Variants in RNF141 observed in about 807,000 individuals in gnomAD.
RNF141 encodes the protein ring finger protein 141.
A neutral mutation model predicts 27.4 loss-of-function variants in RNF141; 18 were observed. That is an observed-to-expected ratio of 0.66 (90% CI 0.45 to 0.97). The LOEUF (loss-of-function observed/expected upper bound fraction) is 0.97, where lower values mean the gene tolerates loss of function less well. Ranked by LOEUF, RNF141 falls within the 50% of genes least tolerant of loss-of-function variation. The probability of loss-of-function intolerance (pLI) is 0.00; values close to 1 mark genes in which losing one functional copy is unlikely to be tolerated. For missense variants in RNF141, 230 were observed against 279.4 expected (o/e 0.82, Z 1.26); for synonymous variants, 97 against 96.6 (o/e 1.00, Z -0.02).
intron 3 of RNF141, among the ~76,000 whole-genome samples, chr11:10,526,141 T>G (rs573891143): frequency 1.3e-4 from 20 of 152,140 alleles, no homozygotes; most frequent in Non-Finnish European, 2.6e-4. Flanking sequence ...AGAGAAAGAT[T>G]AGAGACATGA....
In RNF141 at chr11:10,512,275, T is replaced by C. The variant is rs1274704375; in HGVS notation, c.*2641A>G. 1 of 152,676 alleles carries C rather than the reference T, an allele frequency of 6.5e-6. No homozygotes were observed. Among genetic ancestry groups the C allele is most frequent in the African/African-American group, 2.4e-5 (1 of 41,466 alleles). The allele number at this position is 152,676 out of a possible 1,614,324, so 9.5% of individuals were successfully genotyped here. A position where few individuals can be genotyped will look rare whatever the true frequency, so the allele number is the denominator to read the frequency against. On this transcript the variant is annotated 3_prime_UTR_variant, in exon 6 of 6. Coordinates refer to ENST00000265981, the MANE Select transcript of RNF141 (RefSeq NM_016422.4). ...ACAAATTTACAACTTTTACGATTAG[T>C]TATTACAGTAGAACTGACCTAACAT...
intron 3 of RNF141, among the ~76,000 whole-genome samples, chr11:10,527,571 T>G (rs1164776483): frequency 6.6e-6 from 1 of 151,404 alleles, no homozygotes; most frequent in African/African-American, 2.4e-5. Flanking sequence ...GACGGTGAGG[T>G]GGGAATAGAA....
chr11:10,523,688 G>C (rs1438719052), intron 4 of RNF141, among the ~76,000 whole-genome samples: 3 of 152,140 alleles, frequency 2.0e-5, no homozygotes, highest in Non-Finnish European at 4.4e-5. Context: ...TTCCAGTTTT[G>C]AGGGCACATG....
Position 10,514,394 on chromosome 11 carries a change from A to G in RNF141, c.*522T>C, listed in dbSNP as rs1476706288. 4 of 152,602 alleles carry G rather than the reference A, an allele frequency of 2.6e-5. No individual in the cohort carries two copies. Among genetic ancestry groups the G allele is most frequent in the Non-Finnish European group, 4.4e-5 (3 of 68,072 alleles). The allele number at this position is 152,602 out of a possible 1,614,324, so 9.5% of individuals were successfully genotyped here. A position where few individuals can be genotyped will look rare whatever the true frequency, so the allele number is the denominator to read the frequency against. On this transcript the variant is annotated 3_prime_UTR_variant, in exon 6 of 6. Transcript: ENST00000265981. The stretch of plus-strand genomic sequence containing the variant: ...TCAAGTAAAAATTATTAAAGGAGCA[A>G]TAATTAACCACAAGGGGGCATATAT...
chr11:10,524,264 A>G (rs1172089581), intron 4 of RNF141, among the ~76,000 whole-genome samples: 2 of 152,026 alleles, frequency 1.3e-5, no homozygotes, highest in African/African-American at 4.8e-5. Context: ...AAATACAAAA[A>G]ATTAGCCGGG....
At chr11:10,522,024 AGGAAAACTG>A (rs1849891838) in intron 4 of RNF141, among the ~76,000 whole-genome samples, 1 of 152,246 alleles carries the variant, frequency 6.6e-6, no homozygotes, top group South Asian at 2.1e-4. Flanking sequence ...GTCTAGAAAG[AGGAAAACTG>A]GTTAGGATCT....
At chr11:10,530,790 C>A (rs929842751) in intron 2 of RNF141, 39 bp from the exon 3 acceptor site, 1 of 1,248,036 alleles carries the variant, frequency 8.0e-7, no homozygotes. Flanking sequence ...TATGAAAAAT[C>A]ATATATTAAT....
chr11:10,534,027 CT>C lies in RNF141; in HGVS notation c.131del (p.Glu44GlyfsTer5). On this transcript the variant is annotated frameshift_variant, in exon 2 of 6. Transcript: ENST00000265981. LOFTEE classifies it high-confidence loss of function. Reference protein sequence around the residue: ...TYEEFLGRVAELNDVTAKVAS... With the variant: ...TYEEFLGRVAXLNDVTAKVAS... ...AGAGCAAGCCTTACACATCATTAAG[CT>C]CAGCTACTCTCCCAAGAAATTCTTC... The C allele has an allele frequency of 6.2e-7, 1 of 1,613,164 alleles. No individual in the cohort carries two copies. The highest frequency in any genetic ancestry group is 8.5e-7 in the Non-Finnish European group (1 of 1,179,496).
chr11:10,533,248 G>A (rs1850004194), intron 2 of RNF141, among the ~76,000 whole-genome samples: 1 of 152,046 alleles, frequency 6.6e-6, no homozygotes, highest in Non-Finnish European at 1.5e-5. Context: ...AGTGGTCTGG[G>A]GGCATTCAGG....
chr11:10,518,851 T>C (rs1849863231), intron 5 of RNF141, 183 bp downstream of exon 5: 2 of 469,636 alleles, frequency 4.3e-6, no homozygotes, highest in Non-Finnish European at 7.5e-6. Flanking sequence ...CCATATTTAA[T>C]AAATGTTAGG....
intron 3 of RNF141, among the ~76,000 whole-genome samples, chr11:10,528,426 C>T (rs1849959035): frequency 6.6e-6 from 1 of 152,142 alleles, no homozygotes; most frequent in South Asian, 2.1e-4. Flanking sequence ...TTTTGTTTCT[C>T]TACTTAGAAT....
intron 3 of RNF141, 43 bp downstream of exon 3, chr11:10,530,599 CA>C: frequency 8.8e-7 from 1 of 1,134,626 alleles, no homozygotes; most frequent in Admixed American, 2.1e-5. Flanking sequence ...TTCTAGCCAC[CA>C]AAATAGCTTA....
intron 4 of RNF141, among the ~76,000 whole-genome samples, chr11:10,524,074 G>A (rs1849910803): frequency 6.6e-6 from 1 of 152,074 alleles, no homozygotes; most frequent in South Asian, 2.1e-4. Flanking sequence ...AAACCAGTTG[G>A]TTAAGAATGA....
chr11:10,534,644 G>A (rs1229745734), intron 1 of RNF141, among the ~76,000 whole-genome samples: 1 of 152,118 alleles, frequency 6.6e-6, no homozygotes, highest in Non-Finnish European at 1.5e-5. Flanking sequence ...ACAATCCTAA[G>A]AGGTAGACAA....
intron 3 of RNF141, among the ~76,000 whole-genome samples, chr11:10,528,800 C>T (rs189075974): frequency 1.0e-3 from 158 of 152,126 alleles, no homozygotes; most frequent in African/African-American, 3.3e-3. Flanking sequence ...TGTAAAGCAC[C>T]GTATTACAGC....
intron 2 of RNF141, among the ~76,000 whole-genome samples, chr11:10,531,550 C>G (rs1423039342): frequency 6.6e-6 from 1 of 152,126 alleles, no homozygotes; most frequent in African/African-American, 2.4e-5. Flanking sequence ...TCAAGTAAAA[C>G]AAATGATTTG....
At chr11:10,526,312 T>C (rs567004708) in intron 3 of RNF141, among the ~76,000 whole-genome samples, 3 of 152,242 alleles carry the variant, frequency 2.0e-5, no homozygotes, top group Admixed American at 2.0e-4. Context: ...GGCCATAAAA[T>C]TGTGACTTTA....
rs1189170282 is a variant in RNF141 at position 10,514,058 on chromosome 11, C to A, written c.*858G>T. 6.6e-6 allele frequency: 1 copy of A among 152,136 alleles called. No homozygotes were observed. Among genetic ancestry groups the A allele is most frequent in the Non-Finnish European group, 1.5e-5 (1 of 68,026 alleles). 9.4% of individuals were successfully genotyped at this position (152,136 alleles called of 1,614,324 possible). A position where few individuals can be genotyped will look rare whatever the true frequency, so the allele number is the denominator to read the frequency against. On this transcript the variant is annotated 3_prime_UTR_variant, in exon 6 of 6. Coordinates refer to ENST00000265981, the MANE Select transcript of RNF141 (RefSeq NM_016422.4). ...GTTAAGGAAATAAAAGCACCATAAACCAATATTAAATGACCTATAGTAATT... is the reference window on the plus strand; with the variant it reads ...GTTAAGGAAATAAAAGCACCATAAAACAATATTAAATGACCTATAGTAATT...
chr11:10,513,104 G>C lies in RNF141; in HGVS notation c.*1812C>G, dbSNP rs1849814873. On this transcript the variant is annotated 3_prime_UTR_variant, in exon 6 of 6. Transcript: ENST00000265981. Reference sequence around the variant, plus strand: ...TCTCAAGGTCACACAACCACCAAGTGCATTGCCAGGTTGATATGATGGAAC... The same window carrying C: ...TCTCAAGGTCACACAACCACCAAGTCCATTGCCAGGTTGATATGATGGAAC... The C allele has an allele frequency of 1.3e-5, 2 of 152,188 alleles. No homozygotes were observed. The allele number at this position is 152,188 out of a possible 1,614,324, so 9.4% of individuals were successfully genotyped here.
Sources: allele counts gnomAD v4.1 joint callset (sites outside exome capture counted in the v4.1 genomes callset), GRCh38; gene constraint gnomAD v4.1.1; transcripts MANE v1.5; gene names NCBI Gene and HGNC (gene_info 2026-07-23, HGNC 2026-07-21).